The following UBASH3A variants were observed in gnomAD, a reference collection of about 807,000 sequenced individuals.
The protein encoded by UBASH3A is ubiquitin-associated and SH3 domain-containing protein A.
A neutral mutation model predicts 73.5 loss-of-function variants in UBASH3A; 63 were observed. That is an observed-to-expected ratio of 0.86 (90% CI 0.70 to 1.06). UBASH3A has a LOEUF of 1.06. Ranked by LOEUF, UBASH3A falls within the 50% of genes least tolerant of loss-of-function variation. The pLI, the probability that UBASH3A is intolerant of heterozygous loss-of-function variation, is 0.00. For synonymous variants in UBASH3A, 363 were observed against 351.1 expected (o/e 1.03, Z -0.38); for missense variants, 860 against 859.0 (o/e 1.00, Z -0.02).
intron 3 of UBASH3A, chr21:42,410,267 C>A: frequency 1.5e-6 from 1 of 677,118 alleles, no homozygotes. Flanking sequence ...GAGAGACAGA[C>A]AGCCACTGCT....
At chr21:42,441,433 G>A (rs1334460744) in intron 11 of UBASH3A, among the ~76,000 whole-genome samples, 1 of 147,560 alleles carries the variant, frequency 6.8e-6, no homozygotes, top group African/African-American at 2.5e-5. Flanking sequence ...TTATCAGGGA[G>A]GACTTGGGGG....
chr21:42,408,241 A>G (rs2053018722), intron 2 of UBASH3A, among the ~76,000 whole-genome samples: 1 of 152,236 alleles, frequency 6.6e-6, no homozygotes, highest in Admixed American at 6.5e-5. Context: ...TACTTTCTAA[A>G]TTGAAAATTA....
intron 3 of UBASH3A, among the ~76,000 whole-genome samples, chr21:42,412,809 T>C (rs3761378): frequency 0.44 from 67,095 of 152,008 alleles, 15,224 homozygotes; most frequent in African/African-American, 0.51. Flanking sequence ...GACTCCAACC[T>C]GCAAAGAAAC....
At chr21:42,408,278 A>G (rs557122963) in intron 2 of UBASH3A, among the ~76,000 whole-genome samples, 2 of 152,254 alleles carry the variant, frequency 1.3e-5, no homozygotes, top group South Asian at 4.1e-4. Flanking sequence ...CTGAGTAATT[A>G]GAAATTCTTC....
At position 42,444,418 on chromosome 21, in the gene UBASH3A, G is replaced by C; in HGVS notation, c.1739-116G>C. 3.9e-6 allele frequency: 3 copies of C among 775,400 alleles called. No individual in the cohort carries two copies. In the South Asian group the frequency reaches 4.5e-5, roughly 12 times the overall value. The allele number at this position is 775,400 out of a possible 1,614,324, so 48.0% of individuals were successfully genotyped here. On this transcript the variant is annotated intron_variant, in intron 13 of 14. Transcript: ENST00000319294. ...ACACTACTTCTAGCCCGGGGGTCTC[G>C]CCAGGCTTCGGGGCACTCTGAGATA...
chr21:42,442,600 T>A lies in UBASH3A; in HGVS notation c.1631+4T>A. The A allele has an allele frequency of 1.2e-6, 2 of 1,605,770 alleles. No individual in the cohort carries two copies. The highest frequency in any genetic ancestry group is 1.7e-6 in the Non-Finnish European group (2 of 1,177,808). ...TCAACATTGACACTGATTACAGGTA[T>A]GCTGTTCTAAAGTTCTCTGCCACTG... On this transcript the variant is annotated splice_donor_region_variant and intron_variant, in intron 12 of 14. Coordinates refer to ENST00000319294, the MANE Select transcript of UBASH3A (RefSeq NM_018961.4).
intron 10 of UBASH3A, among the ~76,000 whole-genome samples, chr21:42,436,372 T>C (rs1376883498): frequency 2.0e-5 from 3 of 152,158 alleles, no homozygotes; most frequent in African/African-American, 7.2e-5. Context: ...AGACTCCCAG[T>C]GTGAGCTCCC....
rs150016827 is a variant in UBASH3A at position 42,443,337 on chromosome 21, A to T, written c.1657A>T (p.Met553Leu). 518 of 1,612,874 alleles carry T rather than the reference A, an allele frequency of 3.2e-4. 3 individuals carry two copies. In the African/African-American group the frequency reaches 6.0e-3, roughly 19 times the overall value. The change falls in exon 13 of 15, where the codon ATG (methionine) becomes TTG (leucine). Residue 553 changes from methionine to leucine, a missense_variant. By Grantham distance (15) the Met-to-Leu change is conservative (BLOSUM62 2). Transcript: ENST00000319294. ...GCCCGCGTTTCCCCTGTCCGCCCTC[A>T]TGCCGGCCGAGAGCTACCAGGAGTA... is the stretch of plus-strand genomic sequence containing the variant. ...YRPAFPLSAL[M>L]PAESYQEYMD...
rs1241570928 is a variant in UBASH3A at position 42,412,957 on chromosome 21, T to C, written c.355-67T>C. 3.9e-6 allele frequency: 5 copies of C among 1,289,654 alleles called. No homozygotes were observed. The African/African-American group carries it at 7.4e-5, about 19-fold the overall frequency. The allele number at this position is 1,289,654 out of a possible 1,614,324, so 79.9% of individuals were successfully genotyped here. On this transcript the variant is annotated intron_variant, in intron 3 of 14. Coordinates refer to ENST00000319294, the MANE Select transcript of UBASH3A (RefSeq NM_018961.4). ...ACTTTAATTGCTGCCTGATTGTTAT[T>C]AATTAAATTAATAGATGACTTCTGA...
chr21:42,405,985 G>T lies in UBASH3A; in HGVS notation c.114-323G>T, dbSNP rs1329912397. Among the ~76,000 whole-genome samples, 5 of 51,962 alleles carry T rather than the reference G, an allele frequency of 9.6e-5. No individual in the cohort carries two copies. The East Asian group carries it at 2.9e-3, about 31-fold the overall frequency. The allele number at this position is 51,962 out of a possible 152,430, so 34.1% of individuals were successfully genotyped here. Reference sequence around the variant, plus strand: ...GTGGGTCCATTTGATCTAGGCAGTGGGGGGGGGGGGGGCAGGCCAGGGAGA... The same window carrying T: ...GTGGGTCCATTTGATCTAGGCAGTGTGGGGGGGGGGGGCAGGCCAGGGAGA... On this transcript the variant is annotated intron_variant, in intron 1 of 14. Coordinates refer to ENST00000319294, the MANE Select transcript of UBASH3A (RefSeq NM_018961.4).
chr21:42,444,115 C>A (rs184020259), intron 13 of UBASH3A, among the ~76,000 whole-genome samples: 1 of 152,230 alleles, frequency 6.6e-6, no homozygotes, highest in Admixed American at 6.5e-5. Flanking sequence ...GAGACCCACT[C>A]GGCCTGTGGT....
chr21:42,442,637 G>GTTAT, intron 12 of UBASH3A, 41 bp downstream of exon 12: 1 of 1,569,582 alleles, frequency 6.4e-7, no homozygotes, highest in Non-Finnish European at 8.6e-7. Context: ...GGCTTTTCCA[G>GTTAT]TTATTGTTAA....
chr21:42,405,104 T>C (rs902190912), intron 1 of UBASH3A, among the ~76,000 whole-genome samples: 6 of 152,194 alleles, frequency 3.9e-5, no homozygotes, highest in African/African-American at 1.4e-4. Context: ...TAACAAAAGC[T>C]TGGCCAAATT....
chr21:42,440,651 C>T (rs556404571), intron 11 of UBASH3A, among the ~76,000 whole-genome samples: 35 of 152,176 alleles, frequency 2.3e-4, no homozygotes, highest in Non-Finnish European at 2.9e-4. Context: ...ACTAGCAGGC[C>T]GTGCGAGAGT....
intron 10 of UBASH3A, among the ~76,000 whole-genome samples, chr21:42,436,931 G>T (rs2053635801): frequency 6.6e-6 from 1 of 152,232 alleles, no homozygotes; most frequent in Admixed American, 6.5e-5. Context: ...TCTGCTGAAG[G>T]TCTTAAAGCC....
chr21:42,433,869 G>A (rs2146578084), intron 9 of UBASH3A, among the ~76,000 whole-genome samples: 1 of 152,278 alleles, frequency 6.6e-6, no homozygotes, highest in Middle Eastern at 3.4e-3. Flanking sequence ...GGGCCAGGAT[G>A]AAGGGGCCTG....
chr21:42,443,883 A>AG (rs5844118), intron 13 of UBASH3A, among the ~76,000 whole-genome samples: 92,523 of 151,994 alleles, frequency 0.61, 28,726 homozygotes, highest in Non-Finnish European at 0.68. Context: ...CAGCAGGGTC[A>AG]CACAATCCAC....
chr21:42,438,551 TGGA>T (rs1187348775), intron 11 of UBASH3A, among the ~76,000 whole-genome samples: 1 of 151,386 alleles, frequency 6.6e-6, no homozygotes, highest in East Asian at 1.9e-4. Context: ...CGGGAGTAGG[TGGA>T]GAGTGGGATG....
At chr21:42,416,056 G>A (rs1328641882) in intron 5 of UBASH3A, among the ~76,000 whole-genome samples, 1 of 152,130 alleles carries the variant, frequency 6.6e-6, no homozygotes, top group Non-Finnish European at 1.5e-5. Context: ...TGCCTAAAGA[G>A]TTTTCTTCTT....
Sources: gnomAD v4.1 joint callset for allele counts (sites outside exome capture counted in the v4.1 genomes callset) on GRCh38, gnomAD v4.1.1 for gene constraint, MANE v1.5 for transcripts, NCBI Gene and HGNC (gene_info 2026-07-23, HGNC 2026-07-21) for gene names.